IFT52: variants seen among roughly 807,000 people sequenced by gnomAD.
IFT52 encodes the protein intraflagellar transport 52.
In IFT52, 44 loss-of-function variants were observed where a neutral mutation model predicts 54.4. The observed-to-expected ratio is 0.81, with a 90% CI of 0.63 to 1.04. The LOEUF (loss-of-function observed/expected upper bound fraction) is 1.04. IFT52 is among the 50% of genes least tolerant of loss of function. IFT52 has a pLI of 0.00. For synonymous variants in IFT52, 181 were observed against 185.3 expected (o/e 0.98, Z 0.19); for missense variants, 452 against 523.6 (o/e 0.86, Z 1.33).
At chr20:43,622,804 G>A (rs1001841417) in intron 9 of IFT52, among the ~76,000 whole-genome samples, 1 of 145,378 alleles carries the variant, frequency 6.9e-6, no homozygotes, top group Non-Finnish European at 1.5e-5. Flanking sequence ...ATTTTTATAT[G>A]TAAATATAAA....
chr20:43,636,615 G>A (rs184207719), intron 11 of IFT52, among the ~76,000 whole-genome samples: 8 of 152,226 alleles, frequency 5.3e-5, no homozygotes, highest in Admixed American at 3.9e-4. Context: ...ACATTTACCC[G>A]CATACCATTG....
chr20:43,610,791 A>T (rs1251601175), intron 6 of IFT52, among the ~76,000 whole-genome samples: 1 of 152,140 alleles, frequency 6.6e-6, no homozygotes, highest in Non-Finnish European at 1.5e-5. Context: ...ACTTTGTGTC[A>T]GCTTATCCAA....
At chr20:43,614,885 T>C (rs191557610) in intron 7 of IFT52, among the ~76,000 whole-genome samples, 72 of 151,232 alleles carry the variant, frequency 4.8e-4, no homozygotes, top group African/African-American at 1.5e-3. Flanking sequence ...CTTGGCTCAC[T>C]GCAACCTCCG....
chr20:43,596,654 A>G (rs868573512), intron 3 of IFT52, 132 bp downstream of exon 3: 2 of 647,332 alleles, frequency 3.1e-6, no homozygotes, highest in Non-Finnish European at 2.8e-6. Context: ...TCTTTTCATC[A>G]TGGAGTTGTG....
At chr20:43,642,945 T>C (rs1049537699) in intron 13 of IFT52, among the ~76,000 whole-genome samples, 2 of 152,016 alleles carry the variant, frequency 1.3e-5, no homozygotes, top group African/African-American at 2.4e-5. Context: ...GGTAGGCAGA[T>C]CACCCGAGGT....
chr20:43,610,664 G>A (rs573489755), intron 6 of IFT52, among the ~76,000 whole-genome samples: 3 of 151,872 alleles, frequency 2.0e-5, no homozygotes, highest in South Asian at 2.1e-4. Flanking sequence ...GTGTGAACCC[G>A]GGAGGCGGAG....
chr20:43,639,679 A>T (rs1423316737), intron 12 of IFT52, among the ~76,000 whole-genome samples: 1 of 151,970 alleles, frequency 6.6e-6, no homozygotes, highest in African/African-American at 2.4e-5. Context: ...TAAAAAAAAA[A>T]ATTTTTTTAA....
At chr20:43,632,218 C>T (rs1471259366) in intron 10 of IFT52, among the ~76,000 whole-genome samples, 1 of 151,960 alleles carries the variant, frequency 6.6e-6, no homozygotes, top group African/African-American at 2.4e-5. Flanking sequence ...AGCCACTGCG[C>T]CCAGCCTATT....
intron 13 of IFT52, 121 bp from the exon 14 acceptor site, chr20:43,646,815 T>A (rs921136030): frequency 1.6e-5 from 14 of 853,266 alleles, no homozygotes; most frequent in Non-Finnish European, 2.7e-5. Context: ...TAAAGCCAGA[T>A]ATTATGTATA....
chr20:43,647,246 C>A lies in IFT52; in HGVS notation c.*263C>A. 2.1e-6 allele frequency: 1 copy of A among 483,052 alleles called. No individual in the cohort carries two copies. Among genetic ancestry groups the A allele is most frequent in the East Asian group, 3.6e-5 (1 of 28,006 alleles). 29.9% of individuals were successfully genotyped at this position (483,052 alleles called of 1,614,324 possible). On this transcript the variant is annotated 3_prime_UTR_variant, in exon 14 of 14. Transcript: ENST00000373030. ...TATGAAACAGTCTTGATTTTTTTTTCTCAACCCCAGTTCTGGATTTGAGTC... is the reference window on the plus strand; with the variant it reads ...TATGAAACAGTCTTGATTTTTTTTTATCAACCCCAGTTCTGGATTTGAGTC...
chr20:43,628,330 A>G (rs888006293), intron 10 of IFT52, among the ~76,000 whole-genome samples: 3 of 152,160 alleles, frequency 2.0e-5, no homozygotes, highest in African/African-American at 4.8e-5. Flanking sequence ...GGAGGAATCT[A>G]GAGAGGCAGT....
chr20:43,627,732 T>C (rs1423726587), intron 10 of IFT52, among the ~76,000 whole-genome samples: 1 of 151,982 alleles, frequency 6.6e-6, no homozygotes, highest in Non-Finnish European at 1.5e-5. Context: ...GTAAGTTGTC[T>C]TAGCTCTTTT....
chr20:43,619,213 A>G (rs564908198), intron 8 of IFT52, among the ~76,000 whole-genome samples, 187 bp downstream of exon 8: 12 of 152,280 alleles, frequency 7.9e-5, no homozygotes, highest in Non-Finnish European at 1.2e-4. Flanking sequence ...TTTGTAATAC[A>G]CTGAGAGAGA....
chr20:43,595,258 A>G (rs1173992409), intron 2 of IFT52, among the ~76,000 whole-genome samples: 1 of 147,828 alleles, frequency 6.8e-6, no homozygotes, highest in Non-Finnish European at 1.5e-5. Flanking sequence ...CAGAGGTTGC[A>G]GTGAGCCGAG....
chr20:43,626,021 G>A (rs1243131066), intron 10 of IFT52, among the ~76,000 whole-genome samples: 1 of 53,210 alleles, frequency 1.9e-5, no homozygotes, highest in African/African-American at 7.2e-5. Flanking sequence ...TCTTGTCTCC[G>A]GAAAAAAAAA....
chr20:43,605,076 G>A lies in IFT52; in HGVS notation c.485+3G>A. ...GAAAGCAGTGGAAACAATGCCCAGT[G>A]AGTGTGTTTTCTGATGCCACATGAG... On this transcript the variant is annotated splice_donor_region_variant and intron_variant, in intron 6 of 13. Transcript: ENST00000373030. 5.6e-6 allele frequency: 9 copies of A among 1,613,244 alleles called. No homozygotes were observed. The highest frequency in any genetic ancestry group is 7.6e-6 in the Non-Finnish European group (9 of 1,179,724).
intron 1 of IFT52, among the ~76,000 whole-genome samples, chr20:43,591,573 CGGT>C (rs1230600715): frequency 2.0e-5 from 3 of 152,068 alleles, no homozygotes; most frequent in Admixed American, 2.0e-4. Flanking sequence ...AGATGTATCA[CGGT>C]GGTGGGACCA....
In IFT52 at chr20:43,604,278, A is replaced by G; in HGVS notation, c.413+20A>G. The G allele has an allele frequency of 2.5e-6, 4 of 1,573,672 alleles. No individual in the cohort carries two copies. The highest frequency in any genetic ancestry group is 3.5e-6 in the Non-Finnish European group (4 of 1,143,566). On this transcript the variant is annotated intron_variant, in intron 5 of 13. Transcript: ENST00000373030. ...GAACAGGTAAGCATGTTGAAAGCAG[A>G]AATATCTTGGCAAGGCATCGTCGCT...
intron 13 of IFT52, among the ~76,000 whole-genome samples, chr20:43,646,393 T>C (rs1184100650): frequency 6.6e-6 from 1 of 152,026 alleles, no homozygotes; most frequent in Non-Finnish European, 1.5e-5. Context: ...TTTGGCAGTG[T>C]TTTACTCTCC....
Sources: gnomAD v4.1 joint callset for allele counts (sites outside exome capture counted in the v4.1 genomes callset) on GRCh38, gnomAD v4.1.1 for gene constraint, MANE v1.5 for transcripts, NCBI Gene and HGNC (gene_info 2026-07-23, HGNC 2026-07-21) for gene names.